ANKRD30A: variants seen among roughly 807,000 people sequenced by gnomAD.
The protein encoded by ANKRD30A is ankyrin repeat domain 30A.
ANKRD30A carries 170 observed loss-of-function variants against 166.3 expected under a neutral mutation model. That is an observed-to-expected ratio of 1.02 (90% CI 0.90 to 1.16). The LOEUF (loss-of-function observed/expected upper bound fraction) is 1.16, where lower values mean the gene tolerates loss of function less well. ANKRD30A is among the 50% of genes most tolerant of loss of function. The pLI, the probability that ANKRD30A is intolerant of heterozygous loss-of-function variation, is 0.00. For missense variants in ANKRD30A, 1,630 were observed against 1,518.0 expected (o/e 1.07, Z -1.23); for synonymous variants, 564 against 508.9 (o/e 1.11, Z -1.46).
chr10:37,207,249 G>C (rs1035381637), intron 31 of ANKRD30A, among the ~76,000 whole-genome samples: 1 of 152,092 alleles, frequency 6.6e-6, no homozygotes, highest in Non-Finnish European at 1.5e-5. Context: ...CATTGTAACT[G>C]TGTACCTTCT....
the ANKRD30A span, chr10:37,248,142 A>G: frequency 1.6e-6 from 1 of 619,528 alleles, no homozygotes; most frequent in Non-Finnish European, 3.2e-6. Context: ...GCCTCCTTTC[A>G]CTCTGGGAGT....
At chr10:37,196,339 G>A (rs1232709929) in intron 27 of ANKRD30A, among the ~76,000 whole-genome samples, 1 of 151,900 alleles carries the variant, frequency 6.6e-6, no homozygotes, top group East Asian at 1.9e-4. Flanking sequence ...GTTACAATGA[G>A]GCATGACAAA....
chr10:37,263,424 A>G, the ANKRD30A span, among the ~76,000 whole-genome samples: 1 of 151,846 alleles, frequency 6.6e-6, no homozygotes, highest in African/African-American at 2.4e-5. Flanking sequence ...GTAATGTATA[A>G]GAAAATAATT....
At chr10:37,242,631 T>C in the ANKRD30A span, among the ~76,000 whole-genome samples, 1 of 152,218 alleles carries the variant, frequency 6.6e-6, no homozygotes, top group Non-Finnish European at 1.5e-5. Context: ...CTTTACATCA[T>C]TGGAGCACTT....
At chr10:37,259,377 A>G in the ANKRD30A span, among the ~76,000 whole-genome samples, 1 of 152,250 alleles carries the variant, frequency 6.6e-6, no homozygotes, top group African/African-American at 2.4e-5. Context: ...GCCAAGTGAC[A>G]GCAAGGATAT....
rs756548079 is a variant in ANKRD30A at position 37,167,334 on chromosome 10, C to T, written c.2155+639C>T. On this transcript the variant is annotated intron_variant, in intron 19 of 35. Coordinates refer to ENST00000361713, the MANE Select transcript of ANKRD30A (RefSeq NM_052997.3). ...TGCATGTATGTATGTTTTTGATGTT[C>T]ACAATTTGAATAAGATATACTTGAA... is the stretch of plus-strand genomic sequence containing the variant. Among the ~76,000 whole-genome samples, 25 of 146,674 alleles carry T rather than the reference C, an allele frequency of 1.7e-4. 1 individual carries two copies. Among genetic ancestry groups the T allele is most frequent in the Non-Finnish European group, 3.1e-4 (21 of 67,168 alleles).
At chr10:37,222,976 TACTGATAATTTATTTTTTC>T (rs1445167891) in intron 34 of ANKRD30A, among the ~76,000 whole-genome samples, 7 of 151,620 alleles carry the variant, frequency 4.6e-5, no homozygotes. Flanking sequence ...AAATATATTA[TACTGATAATTTATTTTTTC>T]AGACATTGAC....
intron 25 of ANKRD30A, 78 bp from the exon 26 acceptor site, chr10:37,192,986 A>T: frequency 7.4e-6 from 11 of 1,494,540 alleles, no homozygotes; most frequent in Non-Finnish European, 9.3e-6. Context: ...ATTCATCTTC[A>T]TGTTGACAGT....
chr10:37,213,601 T>C (rs1451362194), intron 31 of ANKRD30A, among the ~76,000 whole-genome samples: 2 of 150,796 alleles, frequency 1.3e-5, no homozygotes, highest in Admixed American at 6.6e-5. Context: ...GTCAAAGTTA[T>C]TTATTTGAGA....
chr10:37,219,867 T>G lies in ANKRD30A; in HGVS notation c.4155T>G (p.Tyr1385Ter). ...ATAACCATTTAAAAAACCGTATATA[T>G]CAATATGAAAAAGAGAAAGCAGAAA... ...NYNNHLKNRI[Y>*]QYEKEKAETE... The change falls in exon 34 of 36, where the codon TAT becomes TAG. Residue 1385 changes from tyrosine (Y) to a stop codon, truncating the protein, a stop_gained. Transcript: ENST00000361713. LOFTEE classifies it high-confidence loss of function. The G allele has an allele frequency of 6.5e-7, 1 of 1,537,556 alleles. No individual in the cohort carries two copies. The highest frequency in any genetic ancestry group is 8.8e-7 in the Non-Finnish European group (1 of 1,142,624).
intron 31 of ANKRD30A, among the ~76,000 whole-genome samples, chr10:37,211,760 AG>A (rs1842334794): frequency 6.6e-6 from 1 of 152,136 alleles, no homozygotes; most frequent in African/African-American, 2.4e-5. Context: ...ACAGTGTAAA[AG>A]CATTCCTATT....
Position 37,153,492 on chromosome 10 carries a change from G to C in ANKRD30A, c.1708-80G>C, listed in dbSNP as rs537848653. On this transcript the variant is annotated intron_variant, in intron 12 of 35. Coordinates refer to ENST00000361713, the MANE Select transcript of ANKRD30A (RefSeq NM_052997.3). ...AGGAGGAAATTGTGTTTTTAAAAAAGAATTTAATTAGGAAATTTTGATACT... is the reference window on the plus strand; with the variant it reads ...AGGAGGAAATTGTGTTTTTAAAAAACAATTTAATTAGGAAATTTTGATACT... 63 of 1,575,562 alleles carry C rather than the reference G, an allele frequency of 4.0e-5. No individual in the cohort carries two copies. The African/African-American group carries it at 5.8e-4, about 14-fold the overall frequency.
chr10:37,142,765 T>C (rs1034964456), intron 7 of ANKRD30A, among the ~76,000 whole-genome samples: 2 of 151,866 alleles, frequency 1.3e-5, no homozygotes, highest in African/African-American at 4.8e-5. Context: ...ATTTTTTGTA[T>C]TTTTAGTAGA....
intron 31 of ANKRD30A, among the ~76,000 whole-genome samples, chr10:37,213,341 TC>T (rs1486750971): frequency 3.9e-5 from 6 of 151,902 alleles, no homozygotes; most frequent in East Asian, 1.9e-4. Flanking sequence ...GTAAAGAGGC[TC>T]TCTGGGGTTA....
intron 11 of ANKRD30A, among the ~76,000 whole-genome samples, chr10:37,151,616 T>G (rs1438898161): frequency 6.6e-6 from 1 of 152,104 alleles, no homozygotes; most frequent in Non-Finnish European, 1.5e-5. Flanking sequence ...CTAAAAAATC[T>G]TATTCATTGA....
chr10:37,190,479 A>T (rs71489116), intron 25 of ANKRD30A, among the ~76,000 whole-genome samples: 1 of 151,898 alleles, frequency 6.6e-6, no homozygotes, highest in South Asian at 2.1e-4. Context: ...TAGATGGAAG[A>T]TACTACCACT....
intron 30 of ANKRD30A, among the ~76,000 whole-genome samples, chr10:37,200,907 ATTG>A (rs968641381): frequency 2.6e-5 from 4 of 152,000 alleles, no homozygotes; most frequent in African/African-American, 9.7e-5. Flanking sequence ...TGTCATATTT[ATTG>A]TTGTTGAGGA....
At chr10:37,232,654 T>TTATATATATATATATATATATATATATA (rs10559316), downstream of ANKRD30A, 43 of 54,186 alleles carry the variant, frequency 7.9e-4, no homozygotes, top group East Asian at 1.1e-3. Flanking sequence ...AGCATTGGTT[T>TTATATATATATATATATATATATATATA]TATATATATA....
In ANKRD30A at chr10:37,137,017, T is replaced by C. The variant is rs867686135; in HGVS notation, c.820+346T>C. Among the ~76,000 whole-genome samples the C allele has an allele frequency of 5.3e-5, 8 of 152,098 alleles. No individual in the cohort carries two copies. The South Asian group carries it at 1.0e-3, about 20-fold the overall frequency. Reference sequence around the variant, plus strand: ...ATAACGCAAGTTTTAAGTTTGTATATTTTATGTTTCCTCAACTGTCCTAAC... The same window carrying C: ...ATAACGCAAGTTTTAAGTTTGTATACTTTATGTTTCCTCAACTGTCCTAAC... On this transcript the variant is annotated intron_variant, in intron 6 of 35. Transcript: ENST00000361713.
Sources: allele counts gnomAD v4.1 joint callset (sites outside exome capture counted in the v4.1 genomes callset), GRCh38; gene constraint gnomAD v4.1.1; transcripts MANE v1.5; gene names NCBI Gene and HGNC (gene_info 2026-07-23, HGNC 2026-07-21).